Variants in WIF1 observed in about 807,000 individuals in gnomAD.
WIF1 encodes the protein Wnt inhibitory factor 1.
WIF1 carries 35 observed loss-of-function variants against 53.5 expected under a neutral mutation model. That is an observed-to-expected ratio of 0.65 (90% CI 0.50 to 0.87). The LOEUF (loss-of-function observed/expected upper bound fraction) is 0.87. Among genes scored for constraint, WIF1 ranks in the 40% least tolerant of loss-of-function variants. WIF1 has a pLI of 0.00. For synonymous variants in WIF1, 171 were observed against 170.4 expected, an observed-to-expected ratio of 1.00 and a Z score of -0.03; for missense variants, 467 against 476.8, an observed-to-expected ratio of 0.98 and a Z score of 0.19.
At chr12:65,074,088 T>C (rs1019741426) in intron 3 of WIF1, among the ~76,000 whole-genome samples, 3 of 152,212 alleles carry the variant, frequency 2.0e-5, no homozygotes, top group Admixed American at 2.0e-4. Flanking sequence ...TATCTAAACA[T>C]GATCTATTAA....
intron 2 of WIF1, among the ~76,000 whole-genome samples, chr12:65,082,323 A>G (rs867895841): frequency 8.5e-5 from 13 of 152,328 alleles, no homozygotes; most frequent in South Asian, 8.3e-4. Flanking sequence ...AACTCAGAGC[A>G]TGAACAGTAA....
intron 8 of WIF1, 152 bp from the exon 9 acceptor site, chr12:65,055,365 T>C (rs1453329090): frequency 1.4e-6 from 1 of 711,966 alleles, no homozygotes; most frequent in Admixed American, 3.3e-5. Flanking sequence ...CATAAGTTGG[T>C]TTTGGACTTT....
intron 2 of WIF1, among the ~76,000 whole-genome samples, chr12:65,119,083 G>A (rs561216160): frequency 1.3e-5 from 2 of 152,258 alleles, no homozygotes; most frequent in African/African-American, 4.8e-5. Flanking sequence ...TCTGATGAGC[G>A]GTCAGCCATA....
At chr12:65,051,555 A>G (rs1882442374) in intron 9 of WIF1, 85 bp from the exon 10 acceptor site, 10 of 1,422,258 alleles carry the variant, frequency 7.0e-6, no homozygotes, top group Non-Finnish European at 9.2e-6. Context: ...AATGAAATCC[A>G]TTTTTGCCTT....
At chr12:65,081,956 AG>A (rs771687335) in intron 2 of WIF1, among the ~76,000 whole-genome samples, 1 of 152,128 alleles carries the variant, frequency 6.6e-6, no homozygotes, top group Non-Finnish European at 1.5e-5. Flanking sequence ...CTTCTTTCAA[AG>A]TTTTACTTTG....
At chr12:65,053,210 C>T (rs1384873251) in intron 9 of WIF1, among the ~76,000 whole-genome samples, 1 of 152,144 alleles carries the variant, frequency 6.6e-6, no homozygotes, top group Admixed American at 6.5e-5. Context: ...AAGCAATTTT[C>T]CAGAGGAGCG....
chr12:65,083,896 T>A, intron 2 of WIF1: 1 of 324,176 alleles, frequency 3.1e-6, no homozygotes, highest in Non-Finnish European at 5.9e-6. Context: ...TGGGATGCAG[T>A]AGCACGATCA....
intron 7 of WIF1, among the ~76,000 whole-genome samples, chr12:65,058,910 A>G (rs1029838302): frequency 6.6e-6 from 1 of 152,088 alleles, no homozygotes; most frequent in Non-Finnish European, 1.5e-5. Flanking sequence ...AAATTAGCCA[A>G]GTGTGATGGT....
At chr12:65,063,874 T>C (rs1367845091) in intron 6 of WIF1, among the ~76,000 whole-genome samples, 4 of 151,914 alleles carry the variant, frequency 2.6e-5, no homozygotes, top group African/African-American at 7.3e-5. Context: ...CTACCATGCC[T>C]GATTAAGTTT....
intron 2 of WIF1, among the ~76,000 whole-genome samples, chr12:65,115,008 T>G (rs10878230): frequency 0.77 from 117,546 of 151,934 alleles, 45,594 homozygotes; most frequent in East Asian, 1. Context: ...TCCAGGTGTT[T>G]GGTTTGAAAT....
chr12:65,093,081 A>G (rs1305310503), intron 2 of WIF1, among the ~76,000 whole-genome samples: 3 of 152,168 alleles, frequency 2.0e-5, no homozygotes, highest in Non-Finnish European at 1.5e-5. Context: ...GGAGATTTTA[A>G]TTACTGGCAT....
At chr12:65,067,310 A>G (rs1379492745) in intron 5 of WIF1, among the ~76,000 whole-genome samples, 1 of 152,088 alleles carries the variant, frequency 6.6e-6, no homozygotes, top group African/African-American at 2.4e-5. Context: ...TGATGTACTT[A>G]CTACACAAAT....
At position 65,105,798 on chromosome 12, in the gene WIF1, G is replaced by A. The variant is rs538970589; in HGVS notation, c.288+14619C>T. ...CCACTGGGCCCCACCTCCCAACACC[G>A]CCACACTGGCAATTAAACTTCAAGA... On this transcript the variant is annotated intron_variant, in intron 2 of 9. Transcript: ENST00000286574. 3.3e-5 allele frequency among the ~76,000 whole-genome samples: 5 copies of A among 152,196 alleles called. No homozygotes were observed. The South Asian group carries it at 6.2e-4, about 19-fold the overall frequency.
chr12:65,088,433 T>C (rs1245981685), intron 2 of WIF1, among the ~76,000 whole-genome samples: 2 of 152,170 alleles, frequency 1.3e-5, no homozygotes, highest in Non-Finnish European at 2.9e-5. Context: ...TGTGCACATG[T>C]AAGTATACTA....
At chr12:65,090,812 G>A (rs1470445967) in intron 2 of WIF1, among the ~76,000 whole-genome samples, 2 of 152,152 alleles carry the variant, frequency 1.3e-5, no homozygotes, top group African/African-American at 4.8e-5. Flanking sequence ...TTCAACAAAT[G>A]CTAGTTACTA....
intron 2 of WIF1, among the ~76,000 whole-genome samples, chr12:65,119,932 T>C (rs1362334713): frequency 6.6e-6 from 1 of 152,226 alleles, no homozygotes; most frequent in Non-Finnish European, 1.5e-5. Flanking sequence ...TGGGTCTAAC[T>C]TCTACCAGAA....
Position 65,106,353 on chromosome 12 carries a change from A to C in WIF1, c.288+14064T>G, listed in dbSNP as rs12819314. Among the ~76,000 whole-genome samples the C allele has an allele frequency of 4.3e-3, 647 of 149,926 alleles. 1 individual carries two copies. Among genetic ancestry groups the C allele is most frequent in the Non-Finnish European group, 6.8e-3 (461 of 67,718 alleles). ...CTATGATTAACAGAATCATATATAT[A>C]TATGATCATATATATATATATTTTT... On this transcript the variant is annotated intron_variant, in intron 2 of 9. Transcript: ENST00000286574.
intron 2 of WIF1, among the ~76,000 whole-genome samples, chr12:65,119,767 G>T (rs1036578421): frequency 1.3e-5 from 2 of 151,938 alleles, no homozygotes; most frequent in Non-Finnish European, 2.9e-5. Context: ...ATGTACAAAA[G>T]GTAACATATA....
chr12:65,069,236 T>C (rs187060739), intron 3 of WIF1, among the ~76,000 whole-genome samples: 1 of 152,344 alleles, frequency 6.6e-6, no homozygotes, highest in Admixed American at 6.5e-5. Context: ...AGTGGTTAAT[T>C]ATGTATACGT....
Sources: gnomAD v4.1 joint callset for allele counts (sites outside exome capture counted in the v4.1 genomes callset) on GRCh38, gnomAD v4.1.1 for gene constraint, MANE v1.5 for transcripts, NCBI Gene and HGNC (gene_info 2026-07-23, HGNC 2026-07-21) for gene names.